SLC25A12: variants seen among roughly 807,000 people sequenced by gnomAD.
The protein encoded by SLC25A12 is solute carrier family 25 member 12.
In SLC25A12, 32 loss-of-function variants were observed where a neutral mutation model predicts 83.3. The ratio of observed to expected loss-of-function variants is 0.38; its 90% CI spans 0.29 to 0.52. SLC25A12 has a LOEUF of 0.52. SLC25A12 is among the 20% of genes least tolerant of loss of function. The probability of loss-of-function intolerance (pLI) is 0.84; values close to 1 mark genes in which losing one functional copy is unlikely to be tolerated. For synonymous variants in SLC25A12, 267 were observed against 291.1 expected, an observed-to-expected ratio of 0.92 and a Z score of 0.84; for missense variants, 611 against 835.6, an observed-to-expected ratio of 0.73 and a Z score of 3.31.
At chr2:171,800,054 A>G (rs1683677770) in intron 13 of SLC25A12, among the ~76,000 whole-genome samples, 1 of 152,196 alleles carries the variant, frequency 6.6e-6, no homozygotes, top group African/African-American at 2.4e-5. Context: ...AGATTTTTTA[A>G]TATTCTGCTT....
chr2:171,885,293 C>G (rs964937054), intron 2 of SLC25A12, among the ~76,000 whole-genome samples: 1 of 150,848 alleles, frequency 6.6e-6, no homozygotes, highest in Non-Finnish European at 1.5e-5. Context: ...AGGACAAAGT[C>G]TCACTATCCT....
At chr2:171,827,302 C>CT (rs34833030) in intron 8 of SLC25A12, among the ~76,000 whole-genome samples, 196 of 147,472 alleles carry the variant, frequency 1.3e-3, no homozygotes, top group Middle Eastern at 3.5e-3. Flanking sequence ...ATGAGGGAGA[C>CT]TTTTTTTTTT....
chr2:171,843,055 A>C (rs1192811678), intron 5 of SLC25A12, among the ~76,000 whole-genome samples: 1 of 152,086 alleles, frequency 6.6e-6, no homozygotes, highest in African/African-American at 2.4e-5. Context: ...TCCTGATCTC[A>C]AGTGATCTGC....
intron 2 of SLC25A12, among the ~76,000 whole-genome samples, chr2:171,872,083 A>C (rs1389262409): frequency 1.3e-5 from 2 of 152,286 alleles, no homozygotes; most frequent in Middle Eastern, 3.4e-3. Flanking sequence ...TTCTCTATAC[A>C]TGACTATAAA....
At position 171,785,471 on chromosome 2, in the gene SLC25A12, G is replaced by C; in HGVS notation, c.1840C>G (p.Pro614Ala). 1 of 1,613,934 alleles carries C rather than the reference G, an allele frequency of 6.2e-7. No homozygotes were observed. Among genetic ancestry groups the C allele is most frequent in the East Asian group, 2.2e-5 (1 of 44,886 alleles). ...WFYIDFGGLK[P>A]AGSEPTPKSR... ...TTAGGTGTTGGTTCTGAACCAGCGG[G>C]TTTGCTGTTGACAGAAAAAAAGCCA... is the stretch of plus-strand genomic sequence containing the variant. The change falls in exon 18 of 18, where the codon CCC becomes GCC. Residue 614 changes from proline to alanine, a missense_variant. By Grantham distance (27) the Pro-to-Ala change is conservative. Coordinates refer to ENST00000422440, the MANE Select transcript of SLC25A12 (RefSeq NM_003705.5).
At position 171,867,674 on chromosome 2, in the gene SLC25A12, T is replaced by C. The variant is rs76918175; in HGVS notation, c.209+1007A>G. Among the ~76,000 whole-genome samples the C allele has an allele frequency of 3.7e-3, 563 of 152,188 alleles. 2 individuals carry two copies. The highest frequency in any genetic ancestry group is 0.012 in the African/African-American group (516 of 41,518). ...GGGAGAGGGAGAGCGCCTAATCTCT[T>C]TTTTAAGACCATTACACTAACCCGT... On this transcript the variant is annotated intron_variant, in intron 3 of 17. Coordinates refer to ENST00000422440, the MANE Select transcript of SLC25A12 (RefSeq NM_003705.5).
intron 13 of SLC25A12, among the ~76,000 whole-genome samples, chr2:171,802,979 G>T (rs756131717): frequency 5.9e-5 from 9 of 152,048 alleles, no homozygotes; most frequent in Non-Finnish European, 1.0e-4. Context: ...GTGTGTGTGT[G>T]TGTGTACACA....
intron 13 of SLC25A12, among the ~76,000 whole-genome samples, chr2:171,793,974 A>G (rs1006548824): frequency 1.2e-4 from 19 of 152,210 alleles, no homozygotes; most frequent in African/African-American, 4.6e-4. Flanking sequence ...TCTCAGATCA[A>G]TCTACCTCTG....
chr2:171,892,886 T>C (rs1473235817), intron 2 of SLC25A12, among the ~76,000 whole-genome samples: 1 of 152,202 alleles, frequency 6.6e-6, no homozygotes, highest in Non-Finnish European at 1.5e-5. Context: ...ATCATACCTA[T>C]TAACTATACA....
chr2:171,830,682 T>C (rs1345498565), intron 8 of SLC25A12, among the ~76,000 whole-genome samples: 2 of 151,950 alleles, frequency 1.3e-5, no homozygotes, highest in African/African-American at 4.8e-5. Context: ...CCTGGCTAAT[T>C]TTTTGTATTT....
intron 3 of SLC25A12, among the ~76,000 whole-genome samples, chr2:171,868,282 T>C (rs1383218669): frequency 6.6e-6 from 1 of 151,322 alleles, no homozygotes; most frequent in Non-Finnish European, 1.5e-5. Context: ...AAATTCTAGA[T>C]ACCCGTAGGT....
At position 171,848,332 on chromosome 2, in the gene SLC25A12, C is replaced by T. The variant is rs142996296; in HGVS notation, c.326-3824G>A. 1,409 of 468,678 alleles carry T rather than the reference C, an allele frequency of 3.0e-3. 13 individuals carry two copies. Among genetic ancestry groups the T allele is most frequent in the African/African-American group, 0.018 (891 of 50,134 alleles). The allele number at this position is 468,678 out of a possible 1,614,324, so 29.0% of individuals were successfully genotyped here. On this transcript the variant is annotated intron_variant, in intron 4 of 17. Coordinates refer to ENST00000422440, the MANE Select transcript of SLC25A12 (RefSeq NM_003705.5). ...CACAGCCCACCTACCATCAGCCCAA[C>T]GACATCCTTATTCCAAGGATTCCAG...
At position 171,851,511 on chromosome 2, in the gene SLC25A12, G is replaced by A. The variant is rs117334430; in HGVS notation, c.325+4323C>T. The stretch of plus-strand genomic sequence containing the variant: ...GCCCCTTAAAAAAAAAAAAAAAAAA[G>A]GATTAAATCTTTAGTAAGGCAATAG... On this transcript the variant is annotated intron_variant, in intron 4 of 17. Coordinates refer to ENST00000422440, the MANE Select transcript of SLC25A12 (RefSeq NM_003705.5). Among the ~76,000 whole-genome samples, 79 of 90,154 alleles carry A rather than the reference G, an allele frequency of 8.8e-4. 1 individual carries two copies. The highest frequency in any genetic ancestry group is 1.1e-3 in the Non-Finnish European group (33 of 30,990). 59.1% of individuals were successfully genotyped at this position (90,154 alleles called of 152,430 possible). A position where few individuals can be genotyped will look rare whatever the true frequency, so the allele number is the denominator to read the frequency against.
At chr2:171,805,229 C>T (rs576905281) in intron 13 of SLC25A12, among the ~76,000 whole-genome samples, 1 of 152,156 alleles carries the variant, frequency 6.6e-6, no homozygotes, top group South Asian at 2.1e-4. Flanking sequence ...CTACCTCAGC[C>T]TCCCAAGTAG....
At chr2:171,819,339 ATATT>A (rs1684127508) in intron 9 of SLC25A12, among the ~76,000 whole-genome samples, 2 of 123,396 alleles carry the variant, frequency 1.6e-5, no homozygotes. Flanking sequence ...ATAATTATAT[ATATT>A]ATTATATATG....
intron 3 of SLC25A12, among the ~76,000 whole-genome samples, chr2:171,864,270 G>T (rs1450569944): frequency 6.6e-6 from 1 of 152,188 alleles, no homozygotes; most frequent in Non-Finnish European, 1.5e-5. Flanking sequence ...TGGAGATGTA[G>T]ACTGAAACTG....
At chr2:171,875,927 A>AG (rs1280577623) in intron 2 of SLC25A12, among the ~76,000 whole-genome samples, 8 of 149,900 alleles carry the variant, frequency 5.3e-5, no homozygotes, top group Admixed American at 4.0e-4. Flanking sequence ...AAAAAAAAAA[A>AG]AAAGAAACCT....
chr2:171,847,056 C>A (rs1684812369), intron 4 of SLC25A12, among the ~76,000 whole-genome samples: 1 of 152,072 alleles, frequency 6.6e-6, no homozygotes, highest in South Asian at 2.1e-4. Context: ...CTACTTCTCC[C>A]AAAGTGGTCA....
At chr2:171,803,808 AATAC>A (rs766889313) in intron 13 of SLC25A12, among the ~76,000 whole-genome samples, 4 of 60,944 alleles carry the variant, frequency 6.6e-5, no homozygotes, top group Non-Finnish European at 1.8e-4. Context: ...TATTTAAAAA[AATAC>A]ACACACACAC....
Sources: allele counts gnomAD v4.1 joint callset (sites outside exome capture counted in the v4.1 genomes callset), GRCh38; gene constraint gnomAD v4.1.1; transcripts MANE v1.5; gene names NCBI Gene and HGNC (gene_info 2026-07-23, HGNC 2026-07-21).